The following SYNE1 variants were observed in gnomAD, a reference collection of about 807,000 sequenced individuals.
SYNE1 encodes the protein nesprin-1.
A neutral mutation model predicts 1,111.0 loss-of-function variants in SYNE1; 616 were observed. The observed-to-expected ratio is 0.55, with a 90% CI of 0.52 to 0.59. The LOEUF (loss-of-function observed/expected upper bound fraction) is 0.59, where lower values mean the gene tolerates loss of function less well. Among genes scored for constraint, SYNE1 ranks in the 20% least tolerant of loss-of-function variants. SYNE1 has a pLI of 0.00. For missense variants in SYNE1, 10,006 were observed against 10,417.0 expected, an observed-to-expected ratio of 0.96 and a Z score of 1.72; for synonymous variants, 3,855 against 3,825.8, an observed-to-expected ratio of 1.01 and a Z score of -0.28.
At chr6:152,376,639 C>T in intron 57 of SYNE1, 81 bp from the exon 58 acceptor site, 2 of 1,578,630 alleles carry the variant, frequency 1.3e-6, no homozygotes, top group Non-Finnish European at 1.7e-6. Flanking sequence ...ATCACCAGTT[C>T]TTAGAATGTG....
At chr6:152,435,808 T>C in intron 33 of SYNE1, 133 bp downstream of exon 33, 1 of 1,118,872 alleles carries the variant, frequency 8.9e-7, no homozygotes. Context: ...GAACTGTGAG[T>C]TGTTTCCTCA....
At chr6:152,527,488 T>A (rs777625162) in intron 4 of SYNE1, among the ~76,000 whole-genome samples, 6 of 152,194 alleles carry the variant, frequency 3.9e-5, no homozygotes, top group Non-Finnish European at 7.3e-5. Flanking sequence ...ATTCTAAGCA[T>A]ATAAATAAAA....
intron 3 of SYNE1, among the ~76,000 whole-genome samples, chr6:152,608,640 A>C (rs997691045): frequency 1.3e-5 from 2 of 152,158 alleles, no homozygotes; most frequent in Admixed American, 6.5e-5. Context: ...CTTGTCTTTA[A>C]AAATTGGAGT....
chr6:152,572,085 G>T (rs1442378605), intron 3 of SYNE1, among the ~76,000 whole-genome samples: 3 of 152,136 alleles, frequency 2.0e-5, no homozygotes, highest in African/African-American at 4.8e-5. Context: ...ATTTGAAAAG[G>T]CAAGTAGAAA....
intron 6 of SYNE1, among the ~76,000 whole-genome samples, chr6:152,512,312 C>G (rs192583233): frequency 6.6e-6 from 1 of 152,066 alleles, no homozygotes; most frequent in South Asian, 2.1e-4. Context: ...AGATTACAAA[C>G]TTGTATATCT....
rs974649317 is a variant in SYNE1 at position 152,224,315 on chromosome 6, C to T, written c.21522+179G>A. Among the ~76,000 whole-genome samples, 10 of 152,134 alleles carry T rather than the reference C, an allele frequency of 6.6e-5. No homozygotes were observed. In the South Asian group the frequency reaches 1.2e-3, roughly 19 times the overall value. On this transcript the variant is annotated intron_variant, in intron 117 of 145. Coordinates refer to ENST00000367255, the MANE Select transcript of SYNE1 (RefSeq NM_182961.4). ...ATACCAGCTAATCCAGAATTTGGCA[C>T]ACACAGGCAAGTTTGCTCAAGTAAC...
chr6:152,217,265 C>T (rs1210650293), intron 121 of SYNE1, among the ~76,000 whole-genome samples: 1 of 148,662 alleles, frequency 6.7e-6, no homozygotes, highest in Non-Finnish European at 1.5e-5. Flanking sequence ...GCGTGGTGGA[C>T]AGTACCTGCA....
chr6:152,556,623 T>C (rs939397070), intron 3 of SYNE1, among the ~76,000 whole-genome samples: 4 of 152,194 alleles, frequency 2.6e-5, no homozygotes, highest in African/African-American at 7.2e-5. Context: ...CAATGGACCA[T>C]AGTCCCAGCT....
rs377402447 is a variant in SYNE1, at chr6:152,310,908, G to A, written c.16711-35C>T. On this transcript the variant is annotated intron_variant, in intron 87 of 145. Transcript: ENST00000367255. ...ATTGTCAATATTCATGACATTGACG[G>A]GCAGGTAGAGGGATATAGATATTCA... 5.0e-6 allele frequency: 8 copies of A among 1,595,054 alleles called. No individual in the cohort carries two copies. In the African/African-American group the frequency reaches 8.0e-5, roughly 16 times the overall value.
chr6:152,374,822 T>C (rs2097252642), intron 58 of SYNE1, among the ~76,000 whole-genome samples: 1 of 152,032 alleles, frequency 6.6e-6, no homozygotes, highest in Non-Finnish European at 1.5e-5. Flanking sequence ...AAAATAGCAC[T>C]GTGTTTCTCC....
At chr6:152,314,190 C>T (rs1000689534) in intron 87 of SYNE1, among the ~76,000 whole-genome samples, 4 of 152,198 alleles carry the variant, frequency 2.6e-5, no homozygotes, top group Non-Finnish European at 4.4e-5. Flanking sequence ...CTGAACTTGT[C>T]CTTTGCAGGC....
chr6:152,575,138 G>A (rs115929162), intron 3 of SYNE1, among the ~76,000 whole-genome samples: 403 of 152,252 alleles, frequency 2.6e-3, no homozygotes, highest in African/African-American at 8.1e-3. Context: ...CTCTAACTCC[G>A]GTGGTATAGG....
At chr6:152,515,086 G>A (rs1016153040) in intron 6 of SYNE1, among the ~76,000 whole-genome samples, 1 of 152,056 alleles carries the variant, frequency 6.6e-6, no homozygotes, top group South Asian at 2.1e-4. Flanking sequence ...GCTAGGCTTG[G>A]TGGCGCATGC....
chr6:152,280,067 C>T (rs1293947272), intron 97 of SYNE1, among the ~76,000 whole-genome samples: 2 of 152,174 alleles, frequency 1.3e-5, no homozygotes, highest in South Asian at 4.1e-4. Context: ...ATTTTTAGCA[C>T]TTCCATGGGG....
At chr6:152,365,863 G>A (rs2097066626) in intron 62 of SYNE1, among the ~76,000 whole-genome samples, 1 of 152,168 alleles carries the variant, frequency 6.6e-6, no homozygotes, top group Non-Finnish European at 1.5e-5. Flanking sequence ...CAAAGCCTCA[G>A]CTTCAGCCAC....
rs869257689 is a variant in SYNE1, at chr6:152,412,866, TG to T, written c.6230+485del. On this transcript the variant is annotated intron_variant, in intron 42 of 145. Coordinates refer to ENST00000367255, the MANE Select transcript of SYNE1 (RefSeq NM_182961.4). ...TTCACATGTAATTTTTTTTTTTTTT[TG>T]GTGAGAAGGAGTCTTGCTCTGTCTT... 2.6e-4 allele frequency among the ~76,000 whole-genome samples: 37 copies of T among 142,910 alleles called. 1 individual carries two copies. Among genetic ancestry groups the T allele is most frequent in the African/African-American group, 6.7e-4 (23 of 34,474 alleles). 93.8% of individuals were successfully genotyped at this position (142,910 alleles called of 152,430 possible).
Position 152,419,694 on chromosome 6 carries a change from C to G in SYNE1, c.5296G>C (p.Glu1766Gln), listed in dbSNP as rs2098222765. ...RINFLQSVVA[E>Q]HQQFDELLLS... ...AGCAGCTCATCAAATTGCTGGTGTTCAGCAACCACAGACTGAAGAAAATTA... is the reference window on the plus strand; with the variant it reads ...AGCAGCTCATCAAATTGCTGGTGTTGAGCAACCACAGACTGAAGAAAATTA... Residue 1766 changes from glutamate to glutamine, a missense_variant, in exon 40 of 146, where the codon GAA becomes CAA. By Grantham distance (29) the Glu-to-Gln change is conservative (BLOSUM62 2). Coordinates refer to ENST00000367255, the MANE Select transcript of SYNE1 (RefSeq NM_182961.4). 1 of 1,614,018 alleles carries G rather than the reference C, an allele frequency of 6.2e-7. No individual in the cohort carries two copies. Among genetic ancestry groups the G allele is most frequent in the Non-Finnish European group, 8.5e-7 (1 of 1,179,976 alleles).
At position 152,269,186 on chromosome 6, in the gene SYNE1, T is replaced by C; in HGVS notation, c.18674A>G (p.Gln6225Arg). 3 of 1,614,230 alleles carry C rather than the reference T, an allele frequency of 1.9e-6. No individual in the cohort carries two copies. Among genetic ancestry groups the C allele is most frequent in the Non-Finnish European group, 2.5e-6 (3 of 1,180,032 alleles). ...TTGCTGGAGACTGCTCTGCCGCTGC[T>C]GGGTCCATGTGGTGCGAGCTTGGGC... ...WLAQARTTWT[Q>R]QRQSSLQQQK... The change falls in exon 99 of 146, where the codon CAG becomes CGG. Residue 6225 changes from glutamine (Q) to arginine (R), a missense_variant. Gln to Arg is a conservative substitution (Grantham distance 43). Coordinates refer to ENST00000367255, the MANE Select transcript of SYNE1 (RefSeq NM_182961.4).
At chr6:152,220,502 A>G (rs997996781) in intron 119 of SYNE1, among the ~76,000 whole-genome samples, 1 of 152,228 alleles carries the variant, frequency 6.6e-6, no homozygotes, top group Non-Finnish European at 1.5e-5. Flanking sequence ...CTGGAACAGA[A>G]GATTTTTTAA....
Sources: gnomAD v4.1 joint callset for allele counts (sites outside exome capture counted in the v4.1 genomes callset) on GRCh38, gnomAD v4.1.1 for gene constraint, MANE v1.5 for transcripts, NCBI Gene and HGNC (gene_info 2026-07-23, HGNC 2026-07-21) for gene names.